Variants in ABL1 observed in about 807,000 individuals in gnomAD.
ABL1 encodes ABL proto-oncogene 1, non-receptor tyrosine kinase, also known as tyrosine-protein kinase ABL1.
In ABL1, 11 loss-of-function variants were observed where a neutral mutation model predicts 94.7. That is an observed-to-expected ratio of 0.12 (90% CI 0.07 to 0.19). The LOEUF is 0.19. Ranked by LOEUF, ABL1 falls within the 10% of genes least tolerant of loss-of-function variation. The pLI is 1.00. For missense variants in ABL1, 1,082 were observed against 1,489.4 expected, an observed-to-expected ratio of 0.73 and a Z score of 4.50; for synonymous variants, 656 against 622.4, an observed-to-expected ratio of 1.05 and a Z score of -0.80.
intron 1 of ABL1, among the ~76,000 whole-genome samples, chr9:130,740,993 A>G (rs2132711696): frequency 6.6e-6 from 1 of 152,126 alleles, no homozygotes; most frequent in East Asian, 1.9e-4. Flanking sequence ...GGTGGGCTTA[A>G]TGCCATCTAA....
At chr9:130,809,411 AGAGAGAGT>A (rs751546556) in intron 1 of ABL1, among the ~76,000 whole-genome samples, 4,161 of 116,530 alleles carry the variant, frequency 0.036, 51 homozygotes, top group Admixed American at 0.07. Flanking sequence ...AGAGAGAGAG[AGAGAGAGT>A]GTGTGTGTGT....
At chr9:130,768,128 C>G (rs970370270) in intron 1 of ABL1, among the ~76,000 whole-genome samples, 4 of 152,112 alleles carry the variant, frequency 2.6e-5, no homozygotes, top group Admixed American at 6.5e-5. Flanking sequence ...GATGGGAGAG[C>G]CCCCTTCCCC....
rs368684468 is a variant in ABL1, at chr9:130,885,132, C to T, written c.2842C>T (p.Pro948Ser). 2.7e-5 allele frequency: 43 copies of T among 1,612,690 alleles called. No individual in the cohort carries two copies. The highest frequency in any genetic ancestry group is 3.4e-5 in the Non-Finnish European group (40 of 1,179,762). ...TGCTGTGAACAGTGACGCTGCCAAG[C>T]CCAGCCAGCCGGGAGAGGGCCTCAA... ...VDAVNSDAAK[P>S]SQPGEGLKKP... is the part of the protein sequence containing the mutation. Residue 948 changes from proline to serine, a missense_variant, in exon 11 of 11, where the codon CCC (proline) becomes TCC (serine). Around this residue, in one of 7 missense-constraint regions of ABL1, gnomAD observed 780 missense variants for 835.8 expected, o/e 0.93. Coordinates refer to ENST00000318560, the MANE Select transcript of ABL1 (RefSeq NM_005157.6).
chr9:130,809,887 C>A (rs1371362183), intron 1 of ABL1, among the ~76,000 whole-genome samples: 1 of 152,150 alleles, frequency 6.6e-6, no homozygotes, highest in African/African-American at 2.4e-5. Context: ...AAAAATTAAT[C>A]CTAGAATAAA....
intron 1 of ABL1, among the ~76,000 whole-genome samples, chr9:130,743,299 G>A (rs908893473): frequency 6.6e-6 from 1 of 152,054 alleles, no homozygotes; most frequent in Non-Finnish European, 1.5e-5. Flanking sequence ...ACTTGAACTC[G>A]TGACCTCAGG....
intron 1 of ABL1, among the ~76,000 whole-genome samples, chr9:130,763,930 C>T (rs745761995): frequency 4.6e-5 from 7 of 152,096 alleles, no homozygotes; most frequent in African/African-American, 1.7e-4. Context: ...GCACGTGTAC[C>T]GCTACCACCC....
At chr9:130,802,095 CT>C (rs3085157) in intron 1 of ABL1, among the ~76,000 whole-genome samples, 1,540 of 131,896 alleles carry the variant, frequency 0.012, 26 homozygotes, top group African/African-American at 0.03. Context: ...TTCCTTCAGT[CT>C]TTTTTTTTTT....
In ABL1 at chr9:130,872,266, G is replaced by A; in HGVS notation, c.907+53G>A. 2 of 1,538,402 alleles carry A rather than the reference G, an allele frequency of 1.3e-6. No individual in the cohort carries two copies. Among genetic ancestry groups the A allele is most frequent in the Non-Finnish European group, 1.8e-6 (2 of 1,118,422 alleles). Reference sequence around the variant, plus strand: ...GGGTCTCGCGCCGCACCCCCAGGGTGACACAGGCGCTGGGGAAGACGCACG... The same window carrying A: ...GGGTCTCGCGCCGCACCCCCAGGGTAACACAGGCGCTGGGGAAGACGCACG... On this transcript the variant is annotated intron_variant, in intron 5 of 10. Transcript: ENST00000318560. This position sits in a 1 kb window ranked among gnomAD's most constrained non-coding sequence, Gnocchi z 5.0.
rs963461570 is a variant in ABL1, at chr9:130,863,172, G to A, written c.822+137G>A. 161 of 998,712 alleles carry A rather than the reference G, an allele frequency of 1.6e-4. No homozygotes were observed. The highest frequency in any genetic ancestry group is 7.9e-4 in the African/African-American group (48 of 61,116). 61.9% of individuals were successfully genotyped at this position (998,712 alleles called of 1,614,324 possible). A position where few individuals can be genotyped will look rare whatever the true frequency, so the allele number is the denominator to read the frequency against. Reference sequence around the variant, plus strand: ...TTGGCGCCACGGAATTGACTTTTCCGTCTTATATCATTCCTGTGTCTTTGT... The same window carrying A: ...TTGGCGCCACGGAATTGACTTTTCCATCTTATATCATTCCTGTGTCTTTGT... On this transcript the variant is annotated intron_variant, in intron 4 of 10. Coordinates refer to ENST00000318560, the MANE Select transcript of ABL1 (RefSeq NM_005157.6). The surrounding 1 kb of genome is among the most constrained non-coding windows in gnomAD (Gnocchi z 4.3).
At chr9:130,832,673 T>G (rs1368962834), upstream of ABL1, among the ~76,000 whole-genome samples, 5 of 152,266 alleles carry the variant, frequency 3.3e-5, no homozygotes, top group Non-Finnish European at 1.5e-5. Context: ...CTTCCCAAAC[T>G]AATGCAACAT....
In ABL1 at chr9:130,860,939, G is replaced by A. The variant is rs151078701; in HGVS notation, c.550-1824G>A. ...CCAGCAGTGAAGAGAGTGCGTGGAC[G>A]TCACCGTGTGGTTATGAAGCTAACG... On this transcript the variant is annotated intron_variant, in intron 3 of 10. Coordinates refer to ENST00000318560, the MANE Select transcript of ABL1 (RefSeq NM_005157.6). Among the ~76,000 whole-genome samples, 316 of 152,284 alleles carry A rather than the reference G, an allele frequency of 2.1e-3. 1 individual carries two copies. Among genetic ancestry groups the A allele is most frequent in the African/African-American group, 7.2e-3 (299 of 41,562 alleles).
At chr9:130,843,692 A>G (rs1454318403) in intron 1 of ABL1, among the ~76,000 whole-genome samples, 1 of 152,000 alleles carries the variant, frequency 6.6e-6, no homozygotes, top group East Asian at 1.9e-4. Context: ...GAGAAGGTTT[A>G]TGGGAGATGG....
chr9:130,739,978 TAATTG>T (rs1342498307), intron 1 of ABL1, among the ~76,000 whole-genome samples: 2 of 152,236 alleles, frequency 1.3e-5, no homozygotes, highest in African/African-American at 4.8e-5. Flanking sequence ...TATGATCCTT[TAATTG>T]AATCAAAGTT....
intron 1 of ABL1, among the ~76,000 whole-genome samples, chr9:130,798,035 A>G (rs1830003714): frequency 6.6e-6 from 1 of 152,214 alleles, no homozygotes; most frequent in African/African-American, 2.4e-5. Flanking sequence ...AAATAGTAGA[A>G]GTAGGCAAAA....
chr9:130,859,891 G>A (rs1186436706), intron 3 of ABL1, among the ~76,000 whole-genome samples: 2 of 151,920 alleles, frequency 1.3e-5, no homozygotes, highest in Non-Finnish European at 1.5e-5. Context: ...ATGTTGGCCA[G>A]GCTGGTTTCG....
At chr9:130,878,311 G>T (rs1487469471) in intron 7 of ABL1, 104 bp from the exon 8 acceptor site, 2 of 1,348,986 alleles carry the variant, frequency 1.5e-6, no homozygotes, top group South Asian at 1.3e-5. Context: ...GCTGCTGCTG[G>T]GGCCATCCCT....
chr9:130,804,139 G>T (rs1051734673), intron 1 of ABL1, among the ~76,000 whole-genome samples: 1 of 150,988 alleles, frequency 6.6e-6, no homozygotes, highest in African/African-American at 2.4e-5. Context: ...GGTGGATCAC[G>T]AGATCAGGAG....
At chr9:130,755,233 A>T (rs909544746) in intron 1 of ABL1, among the ~76,000 whole-genome samples, 1 of 152,192 alleles carries the variant, frequency 6.6e-6, no homozygotes, top group African/African-American at 2.4e-5. Context: ...CTTAAGTAGG[A>T]CATGAGAAGA....
At chr9:130,728,692 T>G (rs535871983) in intron 1 of ABL1, among the ~76,000 whole-genome samples, 28 of 35,858 alleles carry the variant, frequency 7.8e-4, no homozygotes, top group Admixed American at 2.7e-3. Flanking sequence ...GCCCAGCCTG[T>G]TTTTTTTTTT....
Sources: gnomAD v4.1 joint callset for allele counts (sites outside exome capture counted in the v4.1 genomes callset) on GRCh38, gnomAD v4.1.1 for gene constraint, gnomAD v4.1.1 regional missense constraint, Gnocchi (gnomAD v3.1) non-coding constraint, MANE v1.5 for transcripts, NCBI Gene and HGNC (gene_info 2026-07-23, HGNC 2026-07-21) for gene names.